Variants in WWTR1 observed in about 807,000 individuals in gnomAD.
WWTR1 encodes the protein WW domain containing transcription regulator 1.
A neutral mutation model predicts 40.1 loss-of-function variants in WWTR1; 13 were observed. The ratio of observed to expected loss-of-function variants is 0.32; its 90% CI spans 0.21 to 0.52. WWTR1 has a LOEUF of 0.52. Ranked by LOEUF, WWTR1 falls within the 20% of genes least tolerant of loss-of-function variation. WWTR1 has a pLI of 0.97. For missense variants in WWTR1, 436 were observed against 523.1 expected (o/e 0.83, Z 1.63); for synonymous variants, 230 against 210.1 (o/e 1.09, Z -0.82).
In WWTR1 at chr3:149,587,266, G is replaced by A. The variant is rs79383708; in HGVS notation, c.432-14266C>T. Among the ~76,000 whole-genome samples, 1,074 of 152,250 alleles carry A rather than the reference G, an allele frequency of 7.1e-3. 13 individuals are homozygous for A. Among genetic ancestry groups the A allele is most frequent in the African/African-American group, 0.025 (1,037 of 41,542 alleles). On this transcript the variant is annotated intron_variant, in intron 2 of 6. Transcript: ENST00000360632. Reference sequence around the variant, plus strand: ...CCCAGTTGGTGTCTGCTAGGGAATCGGAAGTGCTGTGTTGGATGGTGTGTG... The same window carrying A: ...CCCAGTTGGTGTCTGCTAGGGAATCAGAAGTGCTGTGTTGGATGGTGTGTG...
intron 3 of WWTR1, among the ~76,000 whole-genome samples, chr3:149,564,637 T>A (rs1737229347): frequency 6.6e-6 from 1 of 152,198 alleles, no homozygotes; most frequent in Non-Finnish European, 1.5e-5. Context: ...ACACATTTAT[T>A]CTACAGAAGA....
intron 2 of WWTR1, among the ~76,000 whole-genome samples, chr3:149,621,345 T>C (rs545587965): frequency 2.6e-5 from 4 of 152,238 alleles, no homozygotes; most frequent in Non-Finnish European, 5.9e-5. Context: ...AATTTTTTTT[T>C]TAACTCAAGT....
intron 2 of WWTR1, among the ~76,000 whole-genome samples, chr3:149,653,237 T>C (rs1713002636): frequency 6.6e-6 from 1 of 152,222 alleles, no homozygotes; most frequent in Admixed American, 6.5e-5. Context: ...TTCTGGTTTA[T>C]GTATAGAAAG....
intron 3 of WWTR1, among the ~76,000 whole-genome samples, chr3:149,556,451 C>T (rs569056249): frequency 8.8e-4 from 134 of 152,228 alleles, no homozygotes; most frequent in African/African-American, 3.0e-3. Context: ...TGGTGGCACG[C>T]GCCTGTAGTC....
At chr3:149,689,228 A>C (rs1363778174) in intron 1 of WWTR1, among the ~76,000 whole-genome samples, 1 of 151,996 alleles carries the variant, frequency 6.6e-6, no homozygotes, top group East Asian at 1.9e-4. Flanking sequence ...CAAAACCACA[A>C]AAATTAGTGG....
At chr3:149,595,754 G>A (rs750642229) in intron 2 of WWTR1, among the ~76,000 whole-genome samples, 1 of 151,984 alleles carries the variant, frequency 6.6e-6, no homozygotes, top group Non-Finnish European at 1.5e-5. Flanking sequence ...ATAATTGGGC[G>A]AGGCGCGGTG....
chr3:149,697,903 T>C (rs77465477), intron 1 of WWTR1, among the ~76,000 whole-genome samples: 2,292 of 152,342 alleles, frequency 0.015, 30 homozygotes, highest in Middle Eastern at 0.02. Flanking sequence ...AATAGGCCCA[T>C]GCAGGTCTGG....
intron 2 of WWTR1, among the ~76,000 whole-genome samples, chr3:149,573,358 T>A (rs569821699): frequency 1.3e-4 from 20 of 152,136 alleles, no homozygotes; most frequent in African/African-American, 4.6e-4. Context: ...TAGTGTGAGC[T>A]CCTTCCTGGA....
chr3:149,615,617 T>G (rs1195152273), intron 2 of WWTR1, among the ~76,000 whole-genome samples: 2 of 152,202 alleles, frequency 1.3e-5, no homozygotes, highest in African/African-American at 2.4e-5. Context: ...ATAATTAAGC[T>G]CTATTGGAAT....
At chr3:149,668,613 A>AAAC (rs1559835479) in intron 2 of WWTR1, among the ~76,000 whole-genome samples, 10 of 147,560 alleles carry the variant, frequency 6.8e-5, no homozygotes, top group East Asian at 2.0e-4. Flanking sequence ...GTCTCAAAAA[A>AAAC]AACAACAAAA....
intron 5 of WWTR1, among the ~76,000 whole-genome samples, chr3:149,712,787 C>T (rs1715508309): frequency 6.6e-6 from 1 of 152,208 alleles, no homozygotes; most frequent in Non-Finnish European, 1.5e-5. Context: ...ACTCATTTTA[C>T]TACTAGCAAG....
rs545874681 is a variant in WWTR1, at chr3:149,664,967, A to C, written c.-4+4821T>G. Among the ~76,000 whole-genome samples the C allele has an allele frequency of 5.9e-5, 9 of 152,220 alleles. No individual in the cohort carries two copies. The South Asian group carries it at 1.7e-3, about 28-fold the overall frequency. On this transcript the variant is annotated intron_variant, in intron 2 of 7. Transcript: ENST00000465804. Reference sequence around the variant, plus strand: ...GCTAGAGAAAAAAGGAATTTTTGATATTTAATCTTAACTTCAGTACCTTAT... The same window carrying C: ...GCTAGAGAAAAAAGGAATTTTTGATCTTTAATCTTAACTTCAGTACCTTAT...
intron 4 of WWTR1, among the ~76,000 whole-genome samples, chr3:149,535,818 G>C (rs1246366113): frequency 1.3e-5 from 2 of 151,744 alleles, no homozygotes; most frequent in African/African-American, 4.8e-5. Context: ...TTCGAGACCA[G>C]CCTGGCCAAC....
rs77620209 is a variant in WWTR1 at position 149,683,915 on chromosome 3, C to T, written c.-107-14024G>A. Among the ~76,000 whole-genome samples, 631 of 152,120 alleles carry T rather than the reference C, an allele frequency of 4.1e-3. 5 individuals are homozygous for T. The highest frequency in any genetic ancestry group is 0.015 in the African/African-American group (603 of 41,480). ...GCACTGTGGGAGCAAGAGCCATTGA[C>T]GACCTCCTCAAGGCTCTTCATTAGT... is the stretch of plus-strand genomic sequence containing the variant. On this transcript the variant is annotated intron_variant, in intron 1 of 7. Coordinates refer to the WWTR1 transcript ENST00000465804.
intron 3 of WWTR1, among the ~76,000 whole-genome samples, chr3:149,567,355 A>G (rs1336975347): frequency 6.6e-6 from 1 of 152,252 alleles, no homozygotes; most frequent in East Asian, 1.9e-4. Context: ...TTCTTCACTT[A>G]GAACTCAGAA....
At chr3:149,694,753 T>C (rs1159115986) in intron 1 of WWTR1, among the ~76,000 whole-genome samples, 4 of 152,206 alleles carry the variant, frequency 2.6e-5, no homozygotes, top group Non-Finnish European at 4.4e-5. Flanking sequence ...CAGAACAGTA[T>C]GGTGGTGTCT....
chr3:149,721,407 T>C (rs1341470063), intron 4 of WWTR1, among the ~76,000 whole-genome samples: 1 of 152,194 alleles, frequency 6.6e-6, no homozygotes, highest in Non-Finnish European at 1.5e-5. Flanking sequence ...ATTACATTGA[T>C]CAGTTTTCAT....
chr3:149,669,150 C>T (rs559380487), intron 2 of WWTR1, among the ~76,000 whole-genome samples: 1 of 152,142 alleles, frequency 6.6e-6, no homozygotes, highest in South Asian at 2.1e-4. Flanking sequence ...GAAATAAGAA[C>T]CCCACATATA....
intron 1 of WWTR1, among the ~76,000 whole-genome samples, chr3:149,684,184 T>G (rs983610731): frequency 2.6e-5 from 4 of 151,988 alleles, no homozygotes; most frequent in Admixed American, 2.6e-4. Context: ...AGAAAATATA[T>G]ATATATATAA....
Sources: allele counts gnomAD v4.1 joint callset (sites outside exome capture counted in the v4.1 genomes callset), GRCh38; gene constraint gnomAD v4.1.1; transcripts MANE v1.5; gene names NCBI Gene and HGNC (gene_info 2026-07-23, HGNC 2026-07-21).